SPOCK3: variants seen among roughly 807,000 people sequenced by gnomAD.
SPOCK3 encodes the protein testican-3.
SPOCK3 carries 30 observed loss-of-function variants against 56.6 expected under a neutral mutation model. The observed-to-expected ratio is 0.53, with a 90% CI of 0.40 to 0.72. The LOEUF is 0.72. Among genes scored for constraint, SPOCK3 ranks in the 30% least tolerant of loss-of-function variants. SPOCK3 has a pLI of 0.00. For missense variants in SPOCK3, 527 were observed against 530.0 expected, an observed-to-expected ratio of 0.99 and a Z score of 0.06; for synonymous variants, 196 against 183.3, an observed-to-expected ratio of 1.07 and a Z score of -0.56.
intron 2 of SPOCK3, among the ~76,000 whole-genome samples, chr4:167,229,059 G>A (rs549540458): frequency 3.7e-4 from 57 of 152,186 alleles, no homozygotes; most frequent in African/African-American, 1.2e-3. Context: ...CTCAACTACA[G>A]TGAAATATAG....
In SPOCK3 at chr4:166,941,829, G is replaced by A. The variant is rs183725015; in HGVS notation, c.351-29086C>T. 1.1e-4 allele frequency among the ~76,000 whole-genome samples: 16 copies of A among 152,238 alleles called. No individual in the cohort carries two copies. The Middle Eastern group carries it at 0.017, about 162-fold the overall frequency. On this transcript the variant is annotated intron_variant, in intron 4 of 10. Transcript: ENST00000357545. ...GTAAGAACCGAGCCTTTAGGGAACCGTGTGATGAGCCTGGATGTGAATCAT... is the reference window on the plus strand; with the variant it reads ...GTAAGAACCGAGCCTTTAGGGAACCATGTGATGAGCCTGGATGTGAATCAT...
At chr4:166,741,546 A>C (rs569961312) in intron 9 of SPOCK3, among the ~76,000 whole-genome samples, 14 of 152,308 alleles carry the variant, frequency 9.2e-5, no homozygotes, top group Non-Finnish European at 1.5e-4. Flanking sequence ...TTATTAAAAG[A>C]AGGGTAGTAA....
intron 6 of SPOCK3, among the ~76,000 whole-genome samples, chr4:166,831,718 T>C (rs1025965989): frequency 8.0e-5 from 12 of 150,824 alleles, no homozygotes; most frequent in African/African-American, 1.2e-4. Flanking sequence ...TTTTTTTTTT[T>C]CGAAAACATC....
At chr4:166,975,190 C>A (rs1351004893) in intron 4 of SPOCK3, among the ~76,000 whole-genome samples, 1 of 152,098 alleles carries the variant, frequency 6.6e-6, no homozygotes, top group African/African-American at 2.4e-5. Flanking sequence ...AAATACATTT[C>A]TTTTCATTAT....
intron 6 of SPOCK3, among the ~76,000 whole-genome samples, chr4:166,811,541 A>C (rs1743801693): frequency 6.6e-6 from 1 of 151,674 alleles, no homozygotes; most frequent in South Asian, 2.1e-4. Context: ...ATTGATTTCT[A>C]GTTTGATTGC....
chr4:166,969,255 T>C (rs956928470), intron 4 of SPOCK3, among the ~76,000 whole-genome samples: 1 of 152,286 alleles, frequency 6.6e-6, no homozygotes. Context: ...GTTACGACTT[T>C]GGAGAACTGT....
Position 167,036,277 on chromosome 4 carries a change from CT to C in SPOCK3, c.235+26214del, listed in dbSNP as rs1752745428. On this transcript the variant is annotated intron_variant, in intron 3 of 10. Transcript: ENST00000357545. ...ACTGATCATTTGACTTCACAGTGCC[CT>C]TATCTGCGTTTTTTCTCTGTTCTAT... 2.0e-5 allele frequency among the ~76,000 whole-genome samples: 3 copies of C among 152,190 alleles called. No homozygotes were observed. In the South Asian group the frequency reaches 6.2e-4, roughly 32 times the overall value.
intron 7 of SPOCK3, among the ~76,000 whole-genome samples, chr4:166,787,745 CAT>C (rs769096520): frequency 1.1e-3 from 169 of 152,152 alleles, no homozygotes; most frequent in Non-Finnish European, 8.5e-4. Flanking sequence ...TTTAATAAAA[CAT>C]AGTGATGATT....
At chr4:166,989,321 C>A (rs1747522573) in intron 4 of SPOCK3, among the ~76,000 whole-genome samples, 1 of 151,942 alleles carries the variant, frequency 6.6e-6, no homozygotes, top group African/African-American at 2.4e-5. Context: ...GATGAATATA[C>A]TTTACTCCTC....
chr4:167,121,336 T>C (rs544698277), intron 2 of SPOCK3, among the ~76,000 whole-genome samples: 27 of 152,052 alleles, frequency 1.8e-4, no homozygotes, highest in African/African-American at 6.3e-4. Context: ...TCATAAAAAT[T>C]TCTCTTAGCC....
At chr4:167,229,735 T>C (rs187654424) in intron 2 of SPOCK3, among the ~76,000 whole-genome samples, 95 of 152,312 alleles carry the variant, frequency 6.2e-4, no homozygotes, top group African/African-American at 2.2e-3. Flanking sequence ...GCCTGTATTT[T>C]ACATTTTCTC....
intron 4 of SPOCK3, among the ~76,000 whole-genome samples, chr4:166,947,220 T>C (rs1741878836): frequency 6.6e-6 from 1 of 152,182 alleles, no homozygotes; most frequent in Admixed American, 6.6e-5. Context: ...TGCAATTATA[T>C]AGTCAACCAA....
intron 6 of SPOCK3, among the ~76,000 whole-genome samples, chr4:166,865,727 C>T (rs1731756068): frequency 6.6e-6 from 1 of 151,898 alleles, no homozygotes; most frequent in Non-Finnish European, 1.5e-5. Flanking sequence ...TTACAAGGGA[C>T]ATAAAGGACC....
At chr4:167,027,097 A>T (rs530165426) in intron 3 of SPOCK3, among the ~76,000 whole-genome samples, 112 of 151,986 alleles carry the variant, frequency 7.4e-4, no homozygotes, top group Non-Finnish European at 1.4e-3. Context: ...TATCCTTGAC[A>T]TTTTTTGAAA....
intron 7 of SPOCK3, among the ~76,000 whole-genome samples, chr4:166,781,888 C>T (rs1461111880): frequency 6.6e-6 from 1 of 151,946 alleles, no homozygotes; most frequent in Non-Finnish European, 1.5e-5. Context: ...CAAAACAAAA[C>T]AAAACACAAA....
chr4:167,215,495 T>G (rs1735268779), intron 2 of SPOCK3, among the ~76,000 whole-genome samples: 1 of 152,030 alleles, frequency 6.6e-6, no homozygotes, highest in Non-Finnish European at 1.5e-5. Flanking sequence ...AAAATGAGAA[T>G]GAGATACGTA....
chr4:166,885,099 C>T (rs1734059056), intron 6 of SPOCK3, among the ~76,000 whole-genome samples: 1 of 151,874 alleles, frequency 6.6e-6, no homozygotes, highest in Non-Finnish European at 1.5e-5. Flanking sequence ...CTATAAATCA[C>T]CCAGATTACT....
chr4:167,183,212 T>TCCAGC (rs1731653394), intron 2 of SPOCK3, among the ~76,000 whole-genome samples: 2 of 151,982 alleles, frequency 1.3e-5, no homozygotes, highest in African/African-American at 2.4e-5. Flanking sequence ...CCCAGCCCAG[T>TCCAGC]CCAGCCCAGC....
intron 4 of SPOCK3, among the ~76,000 whole-genome samples, chr4:166,948,247 C>T (rs768715298): frequency 1.2e-4 from 18 of 152,186 alleles, no homozygotes; most frequent in Non-Finnish European, 2.1e-4. Flanking sequence ...ATTTTCTTTA[C>T]CCATTTATCT....
Sources: allele counts gnomAD v4.1 joint callset (sites outside exome capture counted in the v4.1 genomes callset), GRCh38; gene constraint gnomAD v4.1.1; transcripts MANE v1.5; gene names NCBI Gene and HGNC (gene_info 2026-07-23, HGNC 2026-07-21).